The following KALRN variants were observed in gnomAD, a reference collection of about 807,000 sequenced individuals.
KALRN encodes kalirin RhoGEF kinase.
KALRN carries 70 observed loss-of-function variants against 353.7 expected under a neutral mutation model. The observed-to-expected ratio is 0.20, with a 90% confidence interval of 0.16 to 0.24. The LOEUF (loss-of-function observed/expected upper bound fraction) is 0.24, where lower values mean the gene tolerates loss of function less well. Among genes scored for constraint, KALRN ranks in the 10% least tolerant of loss-of-function variants. The pLI is 1.00. For missense variants in KALRN, 2,791 were observed against 3,756.7 expected, an observed-to-expected ratio of 0.74 and a Z score of 6.72; for synonymous variants, 1,391 against 1,434.8, an observed-to-expected ratio of 0.97 and a Z score of 0.69.
intron 11 of KALRN, among the ~76,000 whole-genome samples, chr3:124,390,906 C>T (rs1368795271): frequency 2.6e-5 from 4 of 152,032 alleles, no homozygotes. Context: ...CTCAGGCTGC[C>T]CCATTATGCA....
chr3:124,670,309 T>A (rs1452721272), intron 47 of KALRN, among the ~76,000 whole-genome samples: 1 of 152,226 alleles, frequency 6.6e-6, no homozygotes, highest in East Asian at 1.9e-4. Context: ...CAATCCACAG[T>A]TGGTTGAATC....
At chr3:124,541,933 G>A (rs2069081323) in intron 33 of KALRN, among the ~76,000 whole-genome samples, 1 of 151,970 alleles carries the variant, frequency 6.6e-6, no homozygotes. Flanking sequence ...CCCAGGCCGA[G>A]ATGGTGCCAC....
At chr3:124,404,060 G>C (rs1306008933) in intron 13 of KALRN, among the ~76,000 whole-genome samples, 1 of 150,512 alleles carries the variant, frequency 6.6e-6, no homozygotes, top group Non-Finnish European at 1.5e-5. Context: ...GGCTTAGCAG[G>C]GAAGGGAGAA....
intron 33 of KALRN, among the ~76,000 whole-genome samples, chr3:124,554,677 CTGTT>C (rs1366400219): frequency 7.2e-5 from 11 of 152,114 alleles, no homozygotes; most frequent in African/African-American, 2.4e-4. Context: ...ATTTTGGTCT[CTGTT>C]AGAGAGGTTT....
At chr3:124,617,367 C>T (rs1338038802) in intron 34 of KALRN, among the ~76,000 whole-genome samples, 1 of 152,126 alleles carries the variant, frequency 6.6e-6, no homozygotes, top group African/African-American at 2.4e-5. Context: ...GCTGGCAATG[C>T]AAAGATGGAG....
At chr3:124,355,817 G>A (rs2083340012) in intron 10 of KALRN, among the ~76,000 whole-genome samples, 1 of 143,894 alleles carries the variant, frequency 6.9e-6, no homozygotes, top group East Asian at 2.1e-4. Context: ...CCAGATTCAA[G>A]CGATTCTCCT....
chr3:124,502,515 G>C (rs533512840), intron 33 of KALRN, among the ~76,000 whole-genome samples: 1 of 152,316 alleles, frequency 6.6e-6, no homozygotes, highest in East Asian at 1.9e-4. Context: ...AAAGAAAGGG[G>C]ATGGGTTTTC....
chr3:124,261,581 T>C (rs1414511892), intron 3 of KALRN, among the ~76,000 whole-genome samples: 1 of 152,250 alleles, frequency 6.6e-6, no homozygotes, highest in African/African-American at 2.4e-5. Flanking sequence ...ACCTAATTTC[T>C]ACTCTTAGTT....
intron 15 of KALRN, among the ~76,000 whole-genome samples, chr3:124,425,502 A>G (rs1008280231): frequency 1.1e-4 from 17 of 152,162 alleles, no homozygotes; most frequent in African/African-American, 4.1e-4. Flanking sequence ...CCTAAGCTTG[A>G]TGGAGAGGGT....
At chr3:124,488,164 G>A (rs988564740) in intron 28 of KALRN, 40 bp from the exon 29 acceptor site, 5 of 1,255,984 alleles carry the variant, frequency 4.0e-6, no homozygotes, top group Non-Finnish European at 5.8e-6. Context: ...GGAAGCTGGG[G>A]GAGATGGCCC....
chr3:124,225,505 C>A (rs1339401420), intron 1 of KALRN, among the ~76,000 whole-genome samples: 1 of 152,124 alleles, frequency 6.6e-6, no homozygotes, highest in African/African-American at 2.4e-5. Context: ...GAAGTAGAAG[C>A]CCTAGGAATC....
chr3:124,160,465 G>A (rs1170229965), intron 1 of KALRN, among the ~76,000 whole-genome samples: 1 of 152,192 alleles, frequency 6.6e-6, no homozygotes, highest in African/African-American at 2.4e-5. Context: ...TGTGAAAAGT[G>A]GATGGGATGT....
intron 33 of KALRN, among the ~76,000 whole-genome samples, chr3:124,548,240 C>T (rs1250275205): frequency 6.6e-6 from 1 of 152,192 alleles, no homozygotes; most frequent in East Asian, 1.9e-4. Flanking sequence ...GTAGAACTTT[C>T]TCTGCTTTCT....
At chr3:124,094,787 G>A in intron 1 of KALRN, 1 of 1,509,398 alleles carries the variant, frequency 6.6e-7, no homozygotes, top group Non-Finnish European at 9.2e-7. Context: ...AGCGGTGGTG[G>A]GATGAGGCTC....
rs1427389692 is a variant in KALRN, at chr3:124,442,014, C to A, written c.3268C>A (p.Pro1090Thr). 6.2e-7 allele frequency: 1 copy of A among 1,606,622 alleles called. No individual in the cohort carries two copies. Among genetic ancestry groups the A allele is most frequent in the East Asian group, 2.2e-5 (1 of 44,446 alleles). Residue 1090 changes from proline (P) to threonine (T), a missense_variant, in exon 19 of 60, where the codon CCC becomes ACC. Pro to Thr is a conservative substitution (Grantham distance 38, BLOSUM62 -1). Around this residue, in one of 11 missense-constraint regions of KALRN, gnomAD observed 268 missense variants for 347.0 expected, o/e 0.77. Transcript: ENST00000682506. ...KYIHRNNVSM[P>T]SVASHTRGPE... ...CATCCACAGGAACAACGTCAGCATGCCCAGTGTCGCCAGCCACACTCGGGG... is the reference window on the plus strand; with the variant it reads ...CATCCACAGGAACAACGTCAGCATGACCAGTGTCGCCAGCCACACTCGGGG...
chr3:124,527,982 G>A (rs145876678), intron 33 of KALRN, among the ~76,000 whole-genome samples: 183 of 152,306 alleles, frequency 1.2e-3, no homozygotes, highest in African/African-American at 4.1e-3. Context: ...TACTATTCAT[G>A]CACTGTTTAT....
intron 29 of KALRN, chr3:124,488,714 C>T: frequency 6.2e-6 from 1 of 161,182 alleles, no homozygotes; most frequent in Admixed American, 6.3e-5. Context: ...CACAGACACA[C>T]ATACACACAA....
intron 15 of KALRN, among the ~76,000 whole-genome samples, chr3:124,427,534 C>A (rs2093076172): frequency 6.6e-6 from 1 of 152,254 alleles, no homozygotes; most frequent in South Asian, 2.1e-4. Context: ...GCTCAGCCTG[C>A]CCAGCTTAAA....
At chr3:124,465,639 T>C (rs2060256892) in intron 25 of KALRN, among the ~76,000 whole-genome samples, 1 of 152,206 alleles carries the variant, frequency 6.6e-6, no homozygotes, top group South Asian at 2.1e-4. Flanking sequence ...TCTTCAGAAA[T>C]ACTTGTCCGA....
Sources: allele counts gnomAD v4.1 joint callset (sites outside exome capture counted in the v4.1 genomes callset), GRCh38; gene constraint gnomAD v4.1.1; regional missense constraint gnomAD v4.1.1; transcripts MANE v1.5; gene names NCBI Gene and HGNC (gene_info 2026-07-23, HGNC 2026-07-21).